The following WDR19 variants were observed in gnomAD, a reference collection of about 807,000 sequenced individuals.
The protein encoded by WDR19 is WD repeat-containing protein 19.
In WDR19, 121 loss-of-function variants were observed where a neutral mutation model predicts 180.0. The ratio of observed to expected loss-of-function variants is 0.67; its 90% CI spans 0.58 to 0.78. WDR19 has a LOEUF of 0.78. Ranked by LOEUF, WDR19 falls within the 30% of genes least tolerant of loss-of-function variation. WDR19 has a pLI of 0.00. For synonymous variants in WDR19, 497 were observed against 540.7 expected (o/e 0.92, Z 1.12); for missense variants, 1,450 against 1,640.7 (o/e 0.88, Z 2.01).
intron 32 of WDR19, chr4:39,274,503 C>A: frequency 6.3e-6 from 2 of 315,470 alleles, no homozygotes; most frequent in Non-Finnish European, 1.2e-5. Flanking sequence ...GCAGTCCTGT[C>A]AGATGCAAAA....
intron 21 of WDR19, among the ~76,000 whole-genome samples, chr4:39,240,833 G>A (rs901931138): frequency 7.9e-5 from 12 of 151,656 alleles, no homozygotes; most frequent in African/African-American, 2.7e-4. Flanking sequence ...GTGCACGCCT[G>A]TAGTCCCAGC....
At chr4:39,196,865 T>C (rs1338057369) in intron 5 of WDR19, among the ~76,000 whole-genome samples, 1 of 152,266 alleles carries the variant, frequency 6.6e-6, no homozygotes, top group African/African-American at 2.4e-5. Context: ...GCTGAGCCTC[T>C]AACACACTAG....
intron 10 of WDR19, 34 bp from the exon 11 acceptor site, chr4:39,215,807 T>C: frequency 6.3e-7 from 1 of 1,577,892 alleles, no homozygotes; most frequent in African/African-American, 1.4e-5. Flanking sequence ...ATATATTGTT[T>C]TTGAATAATC....
At chr4:39,191,378 T>C (rs2109255345) in intron 4 of WDR19, among the ~76,000 whole-genome samples, 1 of 152,332 alleles carries the variant, frequency 6.6e-6, no homozygotes, top group Admixed American at 6.5e-5. Flanking sequence ...TTTTAAGCAA[T>C]TTAGGTTTTA....
chr4:39,278,051 C>CAAAAAAA, intron 34 of WDR19, 80 bp from the exon 35 acceptor site: 1 of 1,106,382 alleles, frequency 9.0e-7, no homozygotes, highest in Non-Finnish European at 1.3e-6. Context: ...AAGATTCCGT[C>CAAAAAAA]AAAAAAAAAA....
chr4:39,203,254 C>T lies in WDR19; in HGVS notation c.523-388C>T, dbSNP rs115370665. 3.5e-3 allele frequency among the ~76,000 whole-genome samples: 531 copies of T among 151,854 alleles called. 6 individuals are homozygous for T. The highest frequency in any genetic ancestry group is 0.012 in the African/African-American group (486 of 41,422). On this transcript the variant is annotated intron_variant, in intron 6 of 36. Transcript: ENST00000399820. ...TACTGAGATTACAGATATGAGCCAC[C>T]GCACCCATCCTTTAATTAAATTATT...
intron 29 of WDR19, 111 bp downstream of exon 29, chr4:39,266,251 G>A: frequency 1.1e-6 from 1 of 919,064 alleles, no homozygotes; most frequent in African/African-American, 1.7e-5. Flanking sequence ...TTTTCTCTCT[G>A]CCAGTAGTGT....
At chr4:39,233,393 C>G (rs1044631728) in intron 19 of WDR19, among the ~76,000 whole-genome samples, 1 of 152,142 alleles carries the variant, frequency 6.6e-6, no homozygotes, top group Admixed American at 6.5e-5. Flanking sequence ...TGTTATTTAA[C>G]CTTTCTGAAC....
chr4:39,199,607 G>A lies in WDR19; in HGVS notation c.522+14G>A, dbSNP rs577589510. ...ACGATAAGACAGGTAATACAGTAACGTCTCTTTGGTCTGATATATTCAAGC... is the reference window on the plus strand; with the variant it reads ...ACGATAAGACAGGTAATACAGTAACATCTCTTTGGTCTGATATATTCAAGC... On this transcript the variant is annotated intron_variant, in intron 6 of 36. Coordinates refer to ENST00000399820, the MANE Select transcript of WDR19 (RefSeq NM_025132.4). 2.2e-5 allele frequency: 35 copies of A among 1,577,460 alleles called. No individual in the cohort carries two copies. The highest frequency in any genetic ancestry group is 1.7e-4 in the Middle Eastern group (1 of 5,986).
intron 19 of WDR19, 113 bp from the exon 20 acceptor site, chr4:39,234,653 T>C: frequency 1.4e-6 from 1 of 718,350 alleles, no homozygotes; most frequent in Non-Finnish European, 2.5e-6. Flanking sequence ...AGATCAAGTT[T>C]CATTATTTAA....
intron 1 of WDR19, among the ~76,000 whole-genome samples, chr4:39,183,270 T>TTTTTTTTTTTTA (rs1182348960): frequency 1.4e-5 from 2 of 147,932 alleles, no homozygotes; most frequent in South Asian, 2.2e-4. Context: ...TTTTTTTTTT[T>TTTTTTTTTTTTA]ACTGAGTCTC....
At chr4:39,212,066 T>C (rs1728599397) in intron 9 of WDR19, among the ~76,000 whole-genome samples, 1 of 152,030 alleles carries the variant, frequency 6.6e-6, no homozygotes, top group Non-Finnish European at 1.5e-5. Context: ...GAGAAATCAT[T>C]CTTCCCAATA....
intron 3 of WDR19, among the ~76,000 whole-genome samples, chr4:39,187,318 G>C (rs1011493295): frequency 6.6e-6 from 1 of 151,618 alleles, no homozygotes; most frequent in Non-Finnish European, 1.5e-5. Flanking sequence ...TACTTGGGAG[G>C]CTGAGGCAGG....
chr4:39,192,857 A>G lies in WDR19; in HGVS notation c.291-1687A>G, dbSNP rs1162062168. On this transcript the variant is annotated intron_variant, in intron 4 of 36. Transcript: ENST00000399820. ...ACCTGTCAAAGGAGTTCTGCCCAGGAATGGGCCCAGCAGTTATCCCTCCCT... is the reference window on the plus strand; with the variant it reads ...ACCTGTCAAAGGAGTTCTGCCCAGGGATGGGCCCAGCAGTTATCCCTCCCT... Among the ~76,000 whole-genome samples, 3 of 152,266 alleles carry G rather than the reference A, an allele frequency of 2.0e-5. No homozygotes were observed. The South Asian group carries it at 6.2e-4, about 32-fold the overall frequency.
chr4:39,253,109 G>T, intron 24 of WDR19, 37 bp from the exon 25 acceptor site: 2 of 1,538,634 alleles, frequency 1.3e-6, no homozygotes, highest in African/African-American at 2.8e-5. Context: ...CAAATTGACA[G>T]TGTTAAAAAA....
At chr4:39,273,259 C>T (rs1222780508) in intron 32 of WDR19, 198 bp downstream of exon 32, 2 of 527,400 alleles carry the variant, frequency 3.8e-6, no homozygotes, top group African/African-American at 2.0e-5. Context: ...AGAGTCAACA[C>T]ACAGTAGTAC....
At chr4:39,274,983 T>G in intron 33 of WDR19, 25 bp downstream of exon 33, 1 of 1,597,132 alleles carries the variant, frequency 6.3e-7, no homozygotes. Context: ...CTATTTCTGC[T>G]ATCTAATCGT....
At chr4:39,202,981 T>C (rs1727532139) in intron 6 of WDR19, among the ~76,000 whole-genome samples, 1 of 152,146 alleles carries the variant, frequency 6.6e-6, no homozygotes. Flanking sequence ...CCTGGATCCT[T>C]CCATATTTTA....
Position 39,264,304 on chromosome 4 carries a change from T to C in WDR19, c.3184-1759T>C, listed in dbSNP as rs1315396046. On this transcript the variant is annotated intron_variant, in intron 28 of 36. Transcript: ENST00000399820. ...GTCCTGGCTTATTCACCCAAAGCCA[T>C]CCACAGAAGCCATCAAGAGAACAAG... Among the ~76,000 whole-genome samples the C allele has an allele frequency of 2.0e-5, 3 of 152,172 alleles. No individual in the cohort carries two copies. The East Asian group carries it at 5.8e-4, about 29-fold the overall frequency.
Sources: gnomAD v4.1 joint callset for allele counts (sites outside exome capture counted in the v4.1 genomes callset) on GRCh38, gnomAD v4.1.1 for gene constraint, MANE v1.5 for transcripts, NCBI Gene and HGNC (gene_info 2026-07-23, HGNC 2026-07-21) for gene names.